The following MOB4 variants were observed in gnomAD, a reference collection of about 807,000 sequenced individuals.
MOB4 encodes the protein MOB-like protein phocein.
In MOB4, 4 loss-of-function variants were observed where a neutral mutation model predicts 32.2. The ratio of observed to expected loss-of-function variants is 0.12; its 90% confidence interval spans 0.06 to 0.28. MOB4 has a LOEUF of 0.28. Ranked by LOEUF, MOB4 falls within the 10% of genes least tolerant of loss-of-function variation. The pLI is 1.00. For missense variants in MOB4, 158 were observed against 271.2 expected, an observed-to-expected ratio of 0.58 and a Z score of 2.93; for synonymous variants, 88 against 88.1, an observed-to-expected ratio of 1.00 and a Z score of 0.01.
chr2:197,516,886 A>G (rs555687239), intron 1 of MOB4: 11 of 358,676 alleles, frequency 3.1e-5, no homozygotes, highest in Admixed American at 1.1e-4. Flanking sequence ...GGGTTTGGAA[A>G]AGATGGGATG....
Position 197,551,354 on chromosome 2 carries a change from C to G in MOB4, c.*708C>G, listed in dbSNP as rs1324513999. 6.5e-6 allele frequency: 1 copy of G among 152,748 alleles called. No individual in the cohort carries two copies. The highest frequency in any genetic ancestry group is 2.4e-5 in the African/African-American group (1 of 41,450). 9.5% of individuals were successfully genotyped at this position (152,748 alleles called of 1,614,324 possible). A position where few individuals can be genotyped will look rare whatever the true frequency, so the allele number is the denominator to read the frequency against. Reference sequence around the variant, plus strand: ...CACTGGAAACCTGCCCTGTCCACCCCTTCTCATTTCCCTTAACCTTATCTT... The same window carrying G: ...CACTGGAAACCTGCCCTGTCCACCCGTTCTCATTTCCCTTAACCTTATCTT... On this transcript the variant is annotated 3_prime_UTR_variant, in exon 8 of 8. Coordinates refer to ENST00000323303, the MANE Select transcript of MOB4 (RefSeq NM_015387.5).
intron 6 of MOB4, among the ~76,000 whole-genome samples, chr2:197,549,753 G>T (rs2087061606): frequency 6.6e-6 from 1 of 150,766 alleles, no homozygotes; most frequent in African/African-American, 2.4e-5. Flanking sequence ...GTTTCACCAT[G>T]TTGGCCAGGC....
At chr2:197,520,224 C>A (rs2086490630) in intron 1 of MOB4, among the ~76,000 whole-genome samples, 1 of 151,084 alleles carries the variant, frequency 6.6e-6, no homozygotes, top group South Asian at 2.1e-4. Context: ...GCTCTGTCTC[C>A]CAGGCTGGAG....
chr2:197,516,033 A>C (rs930820129), upstream of MOB4: 3 of 1,529,704 alleles, frequency 2.0e-6, no homozygotes, highest in Non-Finnish European at 2.7e-6. Flanking sequence ...CCCCCCGCGC[A>C]GGCTGCCGTC....
rs188113166 is a variant in MOB4 at position 197,518,709 on chromosome 2, C to T, written c.60+2563C>T. The stretch of plus-strand genomic sequence containing the variant: ...TCCTGAGTAGCTGGGATTGCAGGTG[C>T]CTGCCACCACGCCCGGCTAATTTTA... On this transcript the variant is annotated intron_variant, in intron 1 of 7. Coordinates refer to ENST00000323303, the MANE Select transcript of MOB4 (RefSeq NM_015387.5). 4.3e-3 allele frequency among the ~76,000 whole-genome samples: 655 copies of T among 152,126 alleles called. 3 individuals are homozygous for T. Among genetic ancestry groups the T allele is most frequent in the African/African-American group, 0.015 (628 of 41,530 alleles).
At chr2:197,532,915 A>G (rs1222816247) in intron 2 of MOB4, among the ~76,000 whole-genome samples, 1 of 152,126 alleles carries the variant, frequency 6.6e-6, no homozygotes, top group East Asian at 1.9e-4. Context: ...CCTGACCAAC[A>G]TGGTGAAACA....
chr2:197,546,904 A>G (rs1193829498), intron 5 of MOB4, among the ~76,000 whole-genome samples: 2 of 152,060 alleles, frequency 1.3e-5, no homozygotes, highest in African/African-American at 4.8e-5. Context: ...TGTTCTGTGT[A>G]TTATATAGTG....
Position 197,530,385 on chromosome 2 carries a change from A to G in MOB4, c.124-5145A>G, listed in dbSNP as rs191415908. 1.6e-3 allele frequency among the ~76,000 whole-genome samples: 244 copies of G among 149,062 alleles called. 2 individuals carry two copies. The highest frequency in any genetic ancestry group is 5.6e-3 in the African/African-American group (226 of 40,492). ...TGGACTTAAGAGATTTTCTCACCTC[A>G]CCTTTCTGAGTAGCTATGACTACAG... On this transcript the variant is annotated intron_variant, in intron 2 of 7. Coordinates refer to ENST00000323303, the MANE Select transcript of MOB4 (RefSeq NM_015387.5).
At chr2:197,516,771 A>T (rs146696951) in intron 1 of MOB4, 26 of 470,966 alleles carry the variant, frequency 5.5e-5, no homozygotes, top group Non-Finnish European at 1.1e-4. Flanking sequence ...TTCCTTGCTA[A>T]TATGCGTGAA....
intron 1 of MOB4, among the ~76,000 whole-genome samples, chr2:197,521,753 G>T (rs912068099): frequency 6.6e-6 from 1 of 151,712 alleles, no homozygotes; most frequent in Non-Finnish European, 1.5e-5. Flanking sequence ...GCTCTGTTCC[G>T]CCCGGCTCAC....
chr2:197,540,971 G>A (rs1268236266), intron 5 of MOB4, among the ~76,000 whole-genome samples: 6 of 150,848 alleles, frequency 4.0e-5, no homozygotes, highest in African/African-American at 1.5e-4. Context: ...GTATGATCTC[G>A]GTTCGCTGCA....
chr2:197,548,338 T>C lies in MOB4; in HGVS notation c.357T>C (p.Cys119=). Residue 119 remains cysteine (C), a splice_region_variant and synonymous_variant, in exon 6 of 8, where the codon TGT becomes TGC. Transcript: ENST00000323303. ...LCAAHKTPKE[C]PAIDYTRHTL... is the part of the protein sequence containing the mutation. ...TTTCTATATTCTTTCTTTTGTAGTG[T>C]CCTGCTATAGACTATACTAGACACA... The C allele has an allele frequency of 6.2e-7, 1 of 1,605,980 alleles. No individual in the cohort carries two copies. Among genetic ancestry groups the C allele is most frequent in the Non-Finnish European group, 8.5e-7 (1 of 1,176,240 alleles).
At chr2:197,531,265 C>T (rs1039455140) in intron 2 of MOB4, among the ~76,000 whole-genome samples, 4 of 151,702 alleles carry the variant, frequency 2.6e-5, no homozygotes, top group African/African-American at 9.7e-5. Context: ...AGGATGGTTT[C>T]GATCTCCTGA....
At chr2:197,545,720 A>G (rs535307470) in intron 5 of MOB4, among the ~76,000 whole-genome samples, 2 of 152,300 alleles carry the variant, frequency 1.3e-5, no homozygotes, top group East Asian at 3.9e-4. Context: ...AAATATCCAG[A>G]ATAGGCAAAT....
At chr2:197,533,783 G>A (rs927892583) in intron 2 of MOB4, 20 of 563,444 alleles carry the variant, frequency 3.5e-5, no homozygotes, top group African/African-American at 2.5e-4. Flanking sequence ...TGGTGTGTGC[G>A]TGTGACTCAG....
intron 1 of MOB4, 151 bp from the exon 2 acceptor site, chr2:197,523,473 G>A (rs1213918989): frequency 3.8e-6 from 3 of 781,264 alleles, no homozygotes; most frequent in Non-Finnish European, 5.9e-6. Context: ...AAAAAGAAAA[G>A]TTGAATAAAA....
chr2:197,535,422 C>A, intron 2 of MOB4, 108 bp from the exon 3 acceptor site: 1 of 1,023,316 alleles, frequency 9.8e-7, no homozygotes, highest in Non-Finnish European at 1.4e-6. Context: ...AGTGTATAAC[C>A]CAAGTTGAAC....
At position 197,520,294 on chromosome 2, in the gene MOB4, A is replaced by G. The variant is rs2086492116; in HGVS notation, c.61-3330A>G. Among the ~76,000 whole-genome samples the G allele has an allele frequency of 2.0e-5, 3 of 148,724 alleles. No individual in the cohort carries two copies. In the Admixed American group the frequency reaches 2.0e-4, roughly 10 times the overall value. ...GCTTCCTGGGTTTGCGCCCACCACCACGCCTGGCTAATTTTTTGTATTTTT... is the reference window on the plus strand; with the variant it reads ...GCTTCCTGGGTTTGCGCCCACCACCGCGCCTGGCTAATTTTTTGTATTTTT... On this transcript the variant is annotated intron_variant, in intron 1 of 7. Transcript: ENST00000323303.
chr2:197,525,751 A>G (rs1285020205), intron 2 of MOB4, among the ~76,000 whole-genome samples: 1 of 152,254 alleles, frequency 6.6e-6, no homozygotes, highest in East Asian at 1.9e-4. Context: ...TCAATCAGCA[A>G]ATATTTATTG....
Sources: gnomAD v4.1 joint callset for allele counts (sites outside exome capture counted in the v4.1 genomes callset) on GRCh38, gnomAD v4.1.1 for gene constraint, MANE v1.5 for transcripts, NCBI Gene and HGNC (gene_info 2026-07-23, HGNC 2026-07-21) for gene names.